The following ACTN1 variants were observed in gnomAD, a reference collection of about 807,000 sequenced individuals.
The protein encoded by ACTN1 is alpha-actinin-1.
A neutral mutation model predicts 119.6 loss-of-function variants in ACTN1; 30 were observed. The ratio of observed to expected loss-of-function variants is 0.25; its 90% CI spans 0.19 to 0.34. ACTN1 has a LOEUF of 0.34. ACTN1 is among the 10% of genes least tolerant of loss of function. The pLI is 1.00. For synonymous variants in ACTN1, 429 were observed against 472.6 expected (o/e 0.91, Z 1.20); for missense variants, 764 against 1,223.4 (o/e 0.62, Z 5.60).
In ACTN1 at chr14:68,885,636, C is replaced by G. The variant is rs577285793; in HGVS notation, c.1235-61G>C. ...TGAGAAGCATCTCCTTGGTCCCAAC[C>G]GCCCACCCCTCAGGGCCCCAGGAGC... On this transcript the variant is annotated intron_variant, in intron 11 of 21. Transcript: ENST00000394419. The surrounding 1 kb of genome is among the most constrained non-coding windows in gnomAD (Gnocchi z 5.6). The G allele has an allele frequency of 2.5e-6, 4 of 1,572,808 alleles. No homozygotes were observed. Among genetic ancestry groups the G allele is most frequent in the Non-Finnish European group, 2.6e-6 (3 of 1,160,598 alleles).
In ACTN1 at chr14:68,885,349, C is replaced by A. The variant is rs1255481035; in HGVS notation, c.1385+76G>T. ...CCCTCCCCATCTTCCACGGCCACAC[C>A]CCCACCTCCCCCAGCAGCTGAGAAA... On this transcript the variant is annotated intron_variant, in intron 12 of 21. Coordinates refer to ENST00000394419, the MANE Select transcript of ACTN1 (RefSeq NM_001130004.2). This position sits in a 1 kb window ranked among gnomAD's most constrained non-coding sequence, Gnocchi z 5.6. 1 of 1,516,950 alleles carries A rather than the reference C, an allele frequency of 6.6e-7. No individual in the cohort carries two copies. The highest frequency in any genetic ancestry group is 1.2e-5 in the South Asian group (1 of 80,038). The allele number at this position is 1,516,950 out of a possible 1,614,324, so 94.0% of individuals were successfully genotyped here. A position where few individuals can be genotyped will look rare whatever the true frequency, so the allele number is the denominator to read the frequency against.
At chr14:68,907,351 G>T (rs2033728170) in intron 6 of ACTN1, among the ~76,000 whole-genome samples, 1 of 151,410 alleles carries the variant, frequency 6.6e-6, no homozygotes, top group African/African-American at 2.4e-5. Context: ...ATCACCTGAG[G>T]TCAGCAGTTC....
At chr14:68,976,314 C>A (rs72718210) in intron 1 of ACTN1, among the ~76,000 whole-genome samples, 11,180 of 152,276 alleles carry the variant, frequency 0.073, 503 homozygotes, top group Non-Finnish European at 0.1. Flanking sequence ...CCATCAGCCT[C>A]TGTCCACTTG....
chr14:68,903,358 C>T (rs1052124148), intron 7 of ACTN1, among the ~76,000 whole-genome samples: 1 of 152,166 alleles, frequency 6.6e-6, no homozygotes, highest in Non-Finnish European at 1.5e-5. Context: ...GCCTTGCCAA[C>T]TTGGTGAAAC....
At position 68,878,659 on chromosome 14, in the gene ACTN1, TA is replaced by T. The variant is rs755773242; in HGVS notation, c.2362-137del. The T allele has an allele frequency of 1.3e-6, 2 of 1,545,404 alleles. No individual in the cohort carries two copies. Among genetic ancestry groups the T allele is most frequent in the African/African-American group, 2.7e-5 (2 of 72,854 alleles). On this transcript the variant is annotated intron_variant, in intron 19 of 21. Coordinates refer to ENST00000394419, the MANE Select transcript of ACTN1 (RefSeq NM_001130004.2). The surrounding 1 kb of genome is among the most constrained non-coding windows in gnomAD (Gnocchi z 4.4). ...TTATGGTTTTGGGGGTCAGGATAGGTAAAGGAACATAGGAGAAGATGCGAAC... is the reference window on the plus strand; with the variant it reads ...TTATGGTTTTGGGGGTCAGGATAGGTAAGGAACATAGGAGAAGATGCGAAC...
intron 8 of ACTN1, among the ~76,000 whole-genome samples, chr14:68,899,379 C>T (rs2033141927): frequency 7.2e-6 from 1 of 138,918 alleles, no homozygotes. Context: ...ACACCCCATA[C>T]ACCTCATACA....
chr14:68,904,225 G>C (rs954655785), intron 7 of ACTN1, among the ~76,000 whole-genome samples: 1 of 152,136 alleles, frequency 6.6e-6, no homozygotes, highest in Non-Finnish European at 1.5e-5. Flanking sequence ...GCCCCAGTCA[G>C]AGCTGGGGCA....
At chr14:68,892,435 A>G (rs918338085) in intron 9 of ACTN1, 152 bp from the exon 10 acceptor site, 7 of 810,074 alleles carry the variant, frequency 8.6e-6, no homozygotes, top group South Asian at 1.8e-5. Flanking sequence ...TTCCCAGGCC[A>G]TGAAGTCAGC....
At position 68,959,808 on chromosome 14, in the gene ACTN1, C is replaced by T. The variant is rs139915719; in HGVS notation, c.105+19144G>A. Among the ~76,000 whole-genome samples the T allele has an allele frequency of 2.4e-3, 368 of 152,256 alleles. 1 individual carries two copies. Among genetic ancestry groups the T allele is most frequent in the Middle Eastern group, 0.014 (4 of 294 alleles). ...TAATCCTACAGTTGAGTCCCCAGAACATGTGGGTAAGAGGCAACGACCCTC... is the reference window on the plus strand; with the variant it reads ...TAATCCTACAGTTGAGTCCCCAGAATATGTGGGTAAGAGGCAACGACCCTC... On this transcript the variant is annotated intron_variant, in intron 1 of 21. Transcript: ENST00000394419.
chr14:68,949,786 A>T (rs186604180), intron 1 of ACTN1, among the ~76,000 whole-genome samples: 1 of 152,290 alleles, frequency 6.6e-6, no homozygotes, highest in Admixed American at 6.5e-5. Context: ...AAAGGGAGGA[A>T]ATTCTGACAC....
chr14:68,959,197 A>G (rs1005895618), intron 1 of ACTN1, among the ~76,000 whole-genome samples: 1 of 152,242 alleles, frequency 6.6e-6, no homozygotes, highest in Non-Finnish European at 1.5e-5. Flanking sequence ...GCTCAAGAGT[A>G]TCTCAAAGGA....
chr14:68,875,433 A>C (rs1260317987), intron 21 of ACTN1, among the ~76,000 whole-genome samples: 1 of 152,222 alleles, frequency 6.6e-6, no homozygotes, highest in Non-Finnish European at 1.5e-5. Context: ...AGACAGTCTA[A>C]TTTTAATGAG....
At chr14:68,896,986 G>GT (rs1000692324) in intron 8 of ACTN1, among the ~76,000 whole-genome samples, 9 of 151,998 alleles carry the variant, frequency 5.9e-5, no homozygotes, top group Admixed American at 3.3e-4. Context: ...TGTTTTGTTT[G>GT]TTTTTTTGTT....
rs2033440140 is a variant in ACTN1 at position 68,903,031 on chromosome 14, A to C, written c.677-469T>G. ...TCAATTTGCTAAATGTGATAACTTTATCATTGACTAAGAAAATAACTCTAT... is the reference window on the plus strand; with the variant it reads ...TCAATTTGCTAAATGTGATAACTTTCTCATTGACTAAGAAAATAACTCTAT... On this transcript the variant is annotated intron_variant, in intron 7 of 21. Coordinates refer to ENST00000394419, the MANE Select transcript of ACTN1 (RefSeq NM_001130004.2). Among the ~76,000 whole-genome samples, 4 of 152,258 alleles carry C rather than the reference A, an allele frequency of 2.6e-5. No individual in the cohort carries two copies. The South Asian group carries it at 8.3e-4, about 31-fold the overall frequency.
At chr14:68,921,240 T>A in intron 2 of ACTN1, 115 bp from the exon 3 acceptor site, 7 of 1,295,826 alleles carry the variant, frequency 5.4e-6, no homozygotes, top group Non-Finnish European at 7.3e-6. Context: ...AGCATGTGCA[T>A]GTGTGCACGT....
chr14:68,919,975 G>A (rs2034554174), intron 3 of ACTN1, among the ~76,000 whole-genome samples: 1 of 152,230 alleles, frequency 6.6e-6, no homozygotes, highest in African/African-American at 2.4e-5. Context: ...AGAGGGGACT[G>A]TAAGCTTCAA....
intron 1 of ACTN1, among the ~76,000 whole-genome samples, chr14:68,952,550 G>T (rs1007694958): frequency 1.3e-5 from 2 of 152,198 alleles, no homozygotes; most frequent in Non-Finnish European, 2.9e-5. Flanking sequence ...GTAGATATGT[G>T]CCCTGTCCCT....
At chr14:68,956,194 A>G (rs2036346287) in intron 1 of ACTN1, among the ~76,000 whole-genome samples, 1 of 152,164 alleles carries the variant, frequency 6.6e-6, no homozygotes, top group Non-Finnish European at 1.5e-5. Flanking sequence ...GAGGCTGCAC[A>G]GTGGGTTACT....
At chr14:68,920,175 A>C (rs1348412208) in intron 3 of ACTN1, among the ~76,000 whole-genome samples, 2 of 152,232 alleles carry the variant, frequency 1.3e-5, no homozygotes, top group Admixed American at 6.5e-5. Context: ...TCTTATGGCA[A>C]AATCAGGATA....
Sources: gnomAD v4.1 joint callset for allele counts (sites outside exome capture counted in the v4.1 genomes callset) on GRCh38, gnomAD v4.1.1 for gene constraint, Gnocchi (gnomAD v3.1) non-coding constraint, MANE v1.5 for transcripts, NCBI Gene and HGNC (gene_info 2026-07-23, HGNC 2026-07-21) for gene names.